GLRB: variants seen among roughly 807,000 people sequenced by gnomAD.
GLRB encodes glycine receptor beta, also known as glycine receptor subunit beta.
A neutral mutation model predicts 54.2 loss-of-function variants in GLRB; 33 were observed. The observed-to-expected ratio is 0.61, with a 90% CI of 0.46 to 0.81. The LOEUF (loss-of-function observed/expected upper bound fraction) is 0.81, where lower values mean the gene tolerates loss of function less well. GLRB is among the 40% of genes least tolerant of loss of function. GLRB has a pLI of 0.00. For missense variants in GLRB, 572 were observed against 584.6 expected (o/e 0.98, Z 0.22); for synonymous variants, 209 against 208.2 (o/e 1.00, Z -0.03).
At chr4:157,168,218 C>G (rs1737788723) in intron 9 of GLRB, among the ~76,000 whole-genome samples, 1 of 151,860 alleles carries the variant, frequency 6.6e-6, no homozygotes, top group African/African-American at 2.4e-5. Flanking sequence ...AGGCACTGCT[C>G]TTTCACACTC....
intron 4 of GLRB, among the ~76,000 whole-genome samples, chr4:157,129,872 CTG>C (rs1336248927): frequency 6.6e-6 from 1 of 151,478 alleles, no homozygotes; most frequent in African/African-American, 2.4e-5. Flanking sequence ...AGGTGAATGA[CTG>C]TTCAAAATAA....
chr4:157,099,854 T>A (rs555858570), intron 2 of GLRB, among the ~76,000 whole-genome samples: 1 of 152,178 alleles, frequency 6.6e-6, no homozygotes, highest in South Asian at 2.1e-4. Context: ...ATTTTAACCA[T>A]CTTCTGTGAG....
intron 7 of GLRB, among the ~76,000 whole-genome samples, chr4:157,139,302 A>C (rs1736525112): frequency 6.6e-6 from 1 of 152,082 alleles, no homozygotes. Flanking sequence ...AGATATAAAC[A>C]ATATAATCCA....
At chr4:157,143,310 T>C (rs1009644333) in intron 7 of GLRB, among the ~76,000 whole-genome samples, 3 of 152,106 alleles carry the variant, frequency 2.0e-5, no homozygotes, top group Non-Finnish European at 4.4e-5. Flanking sequence ...TTAAGGTTTA[T>C]CTATATATGA....
At chr4:157,150,846 C>T (rs1388329231) in intron 8 of GLRB, among the ~76,000 whole-genome samples, 1 of 151,880 alleles carries the variant, frequency 6.6e-6, no homozygotes, top group Non-Finnish European at 1.5e-5. Context: ...CCTATCATAA[C>T]GTAGGCCTTC....
At chr4:157,127,443 A>G (rs545296885) in intron 4 of GLRB, among the ~76,000 whole-genome samples, 305 of 151,820 alleles carry the variant, frequency 2.0e-3, no homozygotes, top group Non-Finnish European at 3.9e-3. Flanking sequence ...AAAGATGTTC[A>G]TGTCATAATC....
intron 9 of GLRB, among the ~76,000 whole-genome samples, chr4:157,168,690 T>C (rs1209507066): frequency 6.6e-6 from 1 of 152,134 alleles, no homozygotes; most frequent in Non-Finnish European, 1.5e-5. Context: ...CTCATCAACA[T>C]TTTTTGGGTA....
At chr4:157,112,758 G>A (rs1735468794) in intron 2 of GLRB, among the ~76,000 whole-genome samples, 2 of 151,844 alleles carry the variant, frequency 1.3e-5, no homozygotes, top group African/African-American at 4.8e-5. Context: ...AAGTCACTGG[G>A]TATGGGCTGC....
rs72978473 is a variant in GLRB, at chr4:157,079,591, A to G, written c.122+1445A>G. 3.9e-3 allele frequency among the ~76,000 whole-genome samples: 600 copies of G among 152,248 alleles called. 6 individuals are homozygous for G. The highest frequency in any genetic ancestry group is 0.014 in the African/African-American group (562 of 41,556). ...ATGTCAGGGCCAAATTTCTGGGTAT[A>G]TGACACAATGGCCCTGAATTATGTT... is the stretch of plus-strand genomic sequence containing the variant. On this transcript the variant is annotated intron_variant, in intron 2 of 9. Transcript: ENST00000264428.
chr4:157,146,757 G>A (rs1251052276), intron 8 of GLRB, among the ~76,000 whole-genome samples: 1 of 151,854 alleles, frequency 6.6e-6, no homozygotes, highest in Admixed American at 6.6e-5. Context: ...GGTCTCAGAG[G>A]TTGCAATGAG....
intron 9 of GLRB, among the ~76,000 whole-genome samples, chr4:157,154,462 T>C (rs1365596398): frequency 6.9e-6 from 1 of 145,304 alleles, no homozygotes; most frequent in Non-Finnish European, 1.5e-5. Context: ...AGTTTCACTC[T>C]TGTTGCCCAG....
Position 157,136,537 on chromosome 4 carries a change from T to C in GLRB, c.366T>C (p.Phe122=), listed in dbSNP as rs1475665179. 34 of 1,613,212 alleles carry C rather than the reference T, an allele frequency of 2.1e-5. No homozygotes were observed. The highest frequency in any genetic ancestry group is 2.8e-5 in the Non-Finnish European group (33 of 1,179,216). ...CCAGGCTGAAGCTCCCCAGTGATTTTAGGGGTTCAGATGCACTGACAGTGG... is the reference window on the plus strand; with the variant it reads ...CCAGGCTGAAGCTCCCCAGTGATTTCAGGGGTTCAGATGCACTGACAGTGG... ...NDPRLKLPSD[F]RGSDALTVDP... The change falls in exon 5 of 10, where the codon TTT becomes TTC. Residue 122 remains phenylalanine (F), a synonymous_variant. Coordinates refer to ENST00000264428, the MANE Select transcript of GLRB (RefSeq NM_000824.5).
intron 3 of GLRB, among the ~76,000 whole-genome samples, chr4:157,122,104 A>AC (rs1491160076): frequency 6.0e-5 from 9 of 150,826 alleles, no homozygotes; most frequent in Non-Finnish European, 1.0e-4. Flanking sequence ...AAAAAAAAAA[A>AC]CATTATAAAA....
At chr4:157,135,442 T>C (rs1579228025) in intron 4 of GLRB, among the ~76,000 whole-genome samples, 1 of 152,058 alleles carries the variant, frequency 6.6e-6, no homozygotes, top group Non-Finnish European at 1.5e-5. Flanking sequence ...TGGGAGATAA[T>C]TGAATCAAGA....
chr4:157,159,109 C>A lies in GLRB; in HGVS notation c.1197+6099C>A, dbSNP rs186125590. Among the ~76,000 whole-genome samples, 4 of 152,238 alleles carry A rather than the reference C, an allele frequency of 2.6e-5. No individual in the cohort carries two copies. In the East Asian group the frequency reaches 7.7e-4, roughly 29 times the overall value. On this transcript the variant is annotated intron_variant, in intron 9 of 9. Coordinates refer to ENST00000264428, the MANE Select transcript of GLRB (RefSeq NM_000824.5). ...TTTGAAGCAATCATGAATGGGAGTTCGCTCATGATTTGGCTCTCTGTTTTT... is the reference window on the plus strand; with the variant it reads ...TTTGAAGCAATCATGAATGGGAGTTAGCTCATGATTTGGCTCTCTGTTTTT...
intron 2 of GLRB, among the ~76,000 whole-genome samples, chr4:157,110,915 A>T (rs1735394540): frequency 6.6e-6 from 1 of 151,758 alleles, no homozygotes; most frequent in Non-Finnish European, 1.5e-5. Flanking sequence ...GTAGAAGTAA[A>T]CTCCTCTGGT....
At chr4:157,106,540 G>A (rs1248210679) in intron 2 of GLRB, among the ~76,000 whole-genome samples, 2 of 152,014 alleles carry the variant, frequency 1.3e-5, no homozygotes, top group African/African-American at 4.8e-5. Context: ...TTGGATGGGG[G>A]CCTGAATATA....
intron 9 of GLRB, among the ~76,000 whole-genome samples, chr4:157,163,829 AGTGT>A (rs3054934): frequency 9.8e-4 from 144 of 146,368 alleles, no homozygotes; most frequent in Non-Finnish European, 3.6e-4. Flanking sequence ...TGTCTGTGTG[AGTGT>A]GTGTGTGTGT....
intron 2 of GLRB, among the ~76,000 whole-genome samples, chr4:157,107,627 A>G (rs1015804623): frequency 1.3e-5 from 2 of 152,050 alleles, no homozygotes; most frequent in Non-Finnish European, 2.9e-5. Flanking sequence ...AAAATTTGGA[A>G]GCTAGCAGAG....
Sources: allele counts gnomAD v4.1 joint callset (sites outside exome capture counted in the v4.1 genomes callset), GRCh38; gene constraint gnomAD v4.1.1; transcripts MANE v1.5; gene names NCBI Gene and HGNC (gene_info 2026-07-23, HGNC 2026-07-21).